Variants in HHAT observed in about 807,000 individuals in gnomAD.
HHAT encodes the protein hedgehog acyltransferase.
HHAT carries 47 observed loss-of-function variants against 70.8 expected under a neutral mutation model. That is an observed-to-expected ratio of 0.66 (90% CI 0.53 to 0.85). The LOEUF (loss-of-function observed/expected upper bound fraction) is 0.85, where lower values mean the gene tolerates loss of function less well. Ranked by LOEUF, HHAT falls within the 40% of genes least tolerant of loss-of-function variation. The pLI is 0.00. For synonymous variants in HHAT, 228 were observed against 247.6 expected, an observed-to-expected ratio of 0.92 and a Z score of 0.74; for missense variants, 609 against 604.8, an observed-to-expected ratio of 1.01 and a Z score of -0.07.
At chr1:210,327,339 G>A (rs2084654107), upstream of HHAT, among the ~76,000 whole-genome samples, 1 of 136,050 alleles carries the variant, frequency 7.4e-6, no homozygotes, top group Non-Finnish European at 1.5e-5. Flanking sequence ...GTTTCATCAT[G>A]TTGGCCAGGC....
intron 9 of HHAT, among the ~76,000 whole-genome samples, chr1:210,514,819 A>G (rs546514973): frequency 6.6e-6 from 1 of 152,370 alleles, no homozygotes; most frequent in African/African-American, 2.4e-5. Flanking sequence ...GTCACTTGCA[A>G]AAACAGACAT....
chr1:210,539,031 T>G (rs1046616366), intron 9 of HHAT, among the ~76,000 whole-genome samples: 3 of 152,146 alleles, frequency 2.0e-5, no homozygotes, highest in African/African-American at 7.2e-5. Context: ...GAGCCAAGAT[T>G]GCACCACTGT....
chr1:210,426,936 T>C, intron 7 of HHAT, among the ~76,000 whole-genome samples: 1 of 152,184 alleles, frequency 6.6e-6, no homozygotes, highest in East Asian at 1.9e-4. Flanking sequence ...TTTGTACATC[T>C]GGTAGAATTC....
At chr1:210,372,359 C>A (rs915200269) in intron 3 of HHAT, among the ~76,000 whole-genome samples, 4 of 152,154 alleles carry the variant, frequency 2.6e-5, no homozygotes, top group African/African-American at 7.2e-5. Flanking sequence ...CTGACCCAAG[C>A]CTATTTTGTT....
chr1:210,460,454 A>G (rs2093956106), intron 7 of HHAT, among the ~76,000 whole-genome samples: 1 of 152,224 alleles, frequency 6.6e-6, no homozygotes, highest in South Asian at 2.1e-4. Context: ...ACGTATGTAC[A>G]CAATGAATGT....
At chr1:210,562,727 C>G (rs981064664) in intron 9 of HHAT, among the ~76,000 whole-genome samples, 2 of 151,522 alleles carry the variant, frequency 1.3e-5, no homozygotes, top group Non-Finnish European at 2.9e-5. Flanking sequence ...CATATGTATA[C>G]ACGTGCCATG....
intron 7 of HHAT, among the ~76,000 whole-genome samples, chr1:210,437,333 T>G (rs2093401740): frequency 6.6e-6 from 1 of 151,918 alleles, no homozygotes; most frequent in Non-Finnish European, 1.5e-5. Context: ...TGACAGTGAC[T>G]AAGATGGTCA....
chr1:210,499,450 A>G (rs1287474112), intron 8 of HHAT, among the ~76,000 whole-genome samples: 1 of 152,202 alleles, frequency 6.6e-6, no homozygotes, highest in Non-Finnish European at 1.5e-5. Context: ...CAGCCTGGCC[A>G]ACATGGTGAA....
At chr1:210,573,837 G>A (rs1389977977) in intron 9 of HHAT, among the ~76,000 whole-genome samples, 3 of 152,180 alleles carry the variant, frequency 2.0e-5, no homozygotes, top group South Asian at 2.1e-4. Flanking sequence ...CACTTATGAA[G>A]CCACAGTTTC....
At chr1:210,406,691 C>A (rs1441704591) in intron 6 of HHAT, among the ~76,000 whole-genome samples, 1 of 152,140 alleles carries the variant, frequency 6.6e-6, no homozygotes, top group East Asian at 1.9e-4. Context: ...CCTCCCTTTT[C>A]AAATTGTGCC....
At chr1:210,619,678 G>A (rs1008357272) in intron 10 of HHAT, among the ~76,000 whole-genome samples, 10 of 152,230 alleles carry the variant, frequency 6.6e-5, no homozygotes, top group African/African-American at 2.4e-4. Flanking sequence ...CCCACCAAAT[G>A]CCACATTGCC....
chr1:210,606,736 T>C (rs1665536151), intron 10 of HHAT, among the ~76,000 whole-genome samples: 1 of 152,246 alleles, frequency 6.6e-6, no homozygotes, highest in South Asian at 2.1e-4. Context: ...AGATAGTTTT[T>C]TGAGATCTTG....
In HHAT at chr1:210,397,019, A is replaced by G. The variant is rs973362180; in HGVS notation, c.274-3449A>G. ...GTGATAAAATTGTATAGAACTAAAC[A>G]CACACATAAATTAATAGAAGTGAAA... is the stretch of plus-strand genomic sequence containing the variant. On this transcript the variant is annotated intron_variant, in intron 4 of 11. Transcript: ENST00000261458. 1.2e-4 allele frequency among the ~76,000 whole-genome samples: 18 copies of G among 152,224 alleles called. No individual in the cohort carries two copies. The South Asian group carries it at 1.9e-3, about 16-fold the overall frequency.
At chr1:210,618,430 T>C (rs1668184623) in intron 10 of HHAT, among the ~76,000 whole-genome samples, 1 of 152,194 alleles carries the variant, frequency 6.6e-6, no homozygotes, top group Non-Finnish European at 1.5e-5. Flanking sequence ...AATGGAAAAC[T>C]TCAGTGATTA....
chr1:210,520,868 T>C (rs1401024182), intron 9 of HHAT, among the ~76,000 whole-genome samples: 1 of 152,190 alleles, frequency 6.6e-6, no homozygotes, highest in Non-Finnish European at 1.5e-5. Flanking sequence ...TCGTATTTAC[T>C]CCAGAGACCA....
chr1:210,659,344 A>C (rs1041388481), intron 11 of HHAT, among the ~76,000 whole-genome samples: 3 of 152,124 alleles, frequency 2.0e-5, no homozygotes, highest in African/African-American at 7.2e-5. Context: ...AGAAGAAATA[A>C]ATTCCTGATA....
intron 8 of HHAT, among the ~76,000 whole-genome samples, chr1:210,476,603 A>G (rs2094310263): frequency 6.6e-6 from 1 of 152,120 alleles, no homozygotes; most frequent in South Asian, 2.1e-4. Context: ...CATAGGGCAC[A>G]CTCTCTGGAC....
At chr1:210,433,381 G>A (rs920592934) in intron 7 of HHAT, among the ~76,000 whole-genome samples, 1 of 151,818 alleles carries the variant, frequency 6.6e-6, no homozygotes, top group African/African-American at 2.4e-5. Context: ...ACAAGATTTT[G>A]CATAAGGCAG....
intron 10 of HHAT, among the ~76,000 whole-genome samples, chr1:210,613,017 G>A (rs1484999511): frequency 6.6e-6 from 1 of 152,130 alleles, no homozygotes; most frequent in Non-Finnish European, 1.5e-5. Context: ...TGGATATTAA[G>A]CTCTTATCAA....
Sources: allele counts gnomAD v4.1 joint callset (sites outside exome capture counted in the v4.1 genomes callset), GRCh38; gene constraint gnomAD v4.1.1; transcripts MANE v1.5; gene names NCBI Gene and HGNC (gene_info 2026-07-23, HGNC 2026-07-21).